The following ADK variants were observed in gnomAD, a reference collection of about 807,000 sequenced individuals.
ADK encodes the protein N6,N6-dimethyladenosine kinase.
In ADK, 24 loss-of-function variants were observed where a neutral mutation model predicts 44.7. The ratio of observed to expected loss-of-function variants is 0.54; its 90% confidence interval spans 0.39 to 0.76. The LOEUF is 0.76. Ranked by LOEUF, ADK falls within the 30% of genes least tolerant of loss-of-function variation. The pLI is 0.00. For synonymous variants in ADK, 128 were observed against 142.6 expected (o/e 0.90, Z 0.73); for missense variants, 321 against 425.1 (o/e 0.76, Z 2.15).
At chr10:74,474,515 CCTTCCCTTT>C (rs939442691) in intron 6 of ADK, among the ~76,000 whole-genome samples, 1 of 150,154 alleles carries the variant, frequency 6.7e-6, no homozygotes, top group Non-Finnish European at 1.5e-5. Context: ...CCTTCCCTTC[CCTTCCCTTT>C]CTTTCCTTTC....
chr10:74,581,872 A>T (rs952265160), intron 7 of ADK, among the ~76,000 whole-genome samples: 1 of 152,200 alleles, frequency 6.6e-6, no homozygotes, highest in Non-Finnish European at 1.5e-5. Context: ...GACGTATAAA[A>T]CCTGAAAGAG....
chr10:74,203,757 G>GATTATT lies in ADK; in HGVS notation c.140+2936_140+2941dup, dbSNP rs141988599. Among the ~76,000 whole-genome samples, 501 of 149,004 alleles carry GATTATT rather than the reference G, an allele frequency of 3.4e-3. 3 individuals are homozygous for GATTATT. The highest frequency in any genetic ancestry group is 8.6e-3 in the African/African-American group (347 of 40,530). Reference sequence around the variant, plus strand: ...TCAGTCCTCCAACTTTGTTTTTCAAGATTATTATTATTATTATTATTAATT... The same window carrying GATTATT: ...TCAGTCCTCCAACTTTGTTTTTCAAGATTATTATTATTATTATTATTATTATTAATT... On this transcript the variant is annotated intron_variant, in intron 2 of 10. Transcript: ENST00000539909.
intron 6 of ADK, among the ~76,000 whole-genome samples, chr10:74,408,239 C>T (rs554652613): frequency 2.6e-5 from 4 of 151,984 alleles, no homozygotes; most frequent in Non-Finnish European, 5.9e-5. Flanking sequence ...GTGATCCACC[C>T]GCCTTGGACT....
chr10:74,152,527 G>A (rs1420904126), intron 1 of ADK, among the ~76,000 whole-genome samples: 1 of 151,996 alleles, frequency 6.6e-6, no homozygotes, highest in African/African-American at 2.4e-5. Flanking sequence ...TTCCTTATAA[G>A]GCACCTCCTT....
At chr10:74,419,242 A>G (rs1183948743) in intron 6 of ADK, among the ~76,000 whole-genome samples, 1 of 151,954 alleles carries the variant, frequency 6.6e-6, no homozygotes, top group Non-Finnish European at 1.5e-5. Flanking sequence ...TATGCAAAGC[A>G]CTCTATTGCA....
intron 6 of ADK, among the ~76,000 whole-genome samples, chr10:74,447,542 TC>T (rs1845628302): frequency 2.0e-5 from 3 of 152,152 alleles, no homozygotes. Flanking sequence ...TTCAAAATAA[TC>T]CTTATGCTGA....
intron 4 of ADK, chr10:74,371,892 C>T (rs955012052): frequency 4.7e-5 from 69 of 1,476,138 alleles, no homozygotes; most frequent in Non-Finnish European, 6.1e-5. Flanking sequence ...CCAAGAGCCA[C>T]GGCTTCTTGT....
chr10:74,201,676 GTATCTATCTATC>G (rs58785624), intron 2 of ADK, among the ~76,000 whole-genome samples: 12,966 of 116,794 alleles, frequency 0.11, 725 homozygotes, highest in Admixed American at 0.17. Context: ...ATGTATGTAT[GTATCTATCTATC>G]TATCTATCTA....
At chr10:74,676,267 T>C (rs1855386423) in intron 10 of ADK, among the ~76,000 whole-genome samples, 1 of 152,094 alleles carries the variant, frequency 6.6e-6, no homozygotes, top group African/African-American at 2.4e-5. Flanking sequence ...ATAGCTAGAA[T>C]TACAGGCATC....
intron 4 of ADK, among the ~76,000 whole-genome samples, chr10:74,386,469 A>G (rs1460975755): frequency 2.0e-5 from 3 of 152,224 alleles, no homozygotes; most frequent in Non-Finnish European, 4.4e-5. Flanking sequence ...TAATATTAAT[A>G]GAAATCTTTC....
At chr10:74,531,529 CTGTTTGTT>C (rs559385583) in intron 7 of ADK, among the ~76,000 whole-genome samples, 2 of 152,058 alleles carry the variant, frequency 1.3e-5, no homozygotes, top group African/African-American at 2.4e-5. Flanking sequence ...TAATTCTTTT[CTGTTTGTT>C]TGTTTGTTTG....
chr10:74,380,880 C>A (rs1017320165), intron 4 of ADK, among the ~76,000 whole-genome samples: 7 of 151,960 alleles, frequency 4.6e-5, no homozygotes, highest in Non-Finnish European at 7.4e-5. Context: ...AAATATGAAA[C>A]AATAGCTTTA....
intron 8 of ADK, among the ~76,000 whole-genome samples, chr10:74,599,567 G>A (rs886719014): frequency 2.0e-5 from 3 of 152,168 alleles, no homozygotes; most frequent in Non-Finnish European, 4.4e-5. Context: ...ACTATGGACA[G>A]TTTTAAAAGC....
At chr10:74,561,644 A>G (rs993106762) in intron 7 of ADK, among the ~76,000 whole-genome samples, 15 of 152,234 alleles carry the variant, frequency 9.9e-5, no homozygotes, top group Admixed American at 3.3e-4. Context: ...ATATTTTAAG[A>G]TGTTCACTGT....
At chr10:74,275,878 T>C (rs1327607533) in intron 3 of ADK, among the ~76,000 whole-genome samples, 1 of 152,118 alleles carries the variant, frequency 6.6e-6, no homozygotes, top group Non-Finnish European at 1.5e-5. Context: ...TGACCTCAGG[T>C]GATCTGCCTG....
At chr10:74,645,064 T>G (rs894091246) in intron 9 of ADK, among the ~76,000 whole-genome samples, 1 of 152,226 alleles carries the variant, frequency 6.6e-6, no homozygotes, top group Non-Finnish European at 1.5e-5. Context: ...CTAAGTTTTC[T>G]GTATCAGCTT....
chr10:74,339,310 G>A (rs1026387660), intron 4 of ADK, among the ~76,000 whole-genome samples: 1 of 152,030 alleles, frequency 6.6e-6, no homozygotes, highest in Non-Finnish European at 1.5e-5. Context: ...ACCAATATAA[G>A]TAAAGTAGAT....
intron 7 of ADK, among the ~76,000 whole-genome samples, chr10:74,578,923 C>G (rs958938843): frequency 6.6e-6 from 1 of 152,072 alleles, no homozygotes; most frequent in Non-Finnish European, 1.5e-5. Flanking sequence ...GTGGCTACAT[C>G]TTAGCCACCA....
At chr10:74,572,175 A>G (rs1419841634) in intron 7 of ADK, among the ~76,000 whole-genome samples, 1 of 152,248 alleles carries the variant, frequency 6.6e-6, no homozygotes, top group South Asian at 2.1e-4. Context: ...TGCTTCCTTC[A>G]GGAGCTCTTT....
Sources: gnomAD v4.1 joint callset for allele counts (sites outside exome capture counted in the v4.1 genomes callset) on GRCh38, gnomAD v4.1.1 for gene constraint, MANE v1.5 for transcripts, NCBI Gene and HGNC (gene_info 2026-07-23, HGNC 2026-07-21) for gene names.